Variants in AQR observed in about 807,000 individuals in gnomAD.
AQR encodes RNA helicase aquarius.
AQR carries 61 observed loss-of-function variants against 180.5 expected under a neutral mutation model. The observed-to-expected ratio is 0.34, with a 90% CI of 0.28 to 0.42. AQR has a LOEUF of 0.42. Among genes scored for constraint, AQR ranks in the 10% least tolerant of loss-of-function variants. The pLI, the probability that AQR is intolerant of heterozygous loss-of-function variation, is 1.00. For synonymous variants in AQR, 551 were observed against 588.8 expected (o/e 0.94, Z 0.93); for missense variants, 1,281 against 1,798.3 (o/e 0.71, Z 5.20).
chr15:34,917,395 C>CT, intron 15 of AQR, among the ~76,000 whole-genome samples: 1 of 152,276 alleles, frequency 6.6e-6, no homozygotes, highest in East Asian at 1.9e-4. Flanking sequence ...TCTGAATGCA[C>CT]TTTTGCATAT....
intron 13 of AQR, among the ~76,000 whole-genome samples, chr15:34,925,098 C>T (rs1893740674): frequency 6.6e-6 from 1 of 151,730 alleles, no homozygotes. Context: ...CAAAGTTAAA[C>T]TGAAAGAAAA....
chr15:34,935,912 AT>A (rs1215161263), intron 9 of AQR, among the ~76,000 whole-genome samples: 3 of 152,180 alleles, frequency 2.0e-5, no homozygotes, highest in Non-Finnish European at 4.4e-5. Flanking sequence ...AAAGGAAAAC[AT>A]TTTTTCCCAA....
At chr15:34,950,475 T>C (rs914885935) in intron 4 of AQR, among the ~76,000 whole-genome samples, 1 of 151,980 alleles carries the variant, frequency 6.6e-6, no homozygotes, top group Non-Finnish European at 1.5e-5. Flanking sequence ...ATTCCTTCTT[T>C]ACCTGCGTCT....
At chr15:34,956,770 T>C (rs1241851609) in intron 3 of AQR, among the ~76,000 whole-genome samples, 1 of 144,246 alleles carries the variant, frequency 6.9e-6, no homozygotes, top group Non-Finnish European at 1.5e-5. Flanking sequence ...CTGGGAAACA[T>C]CTTGGGCAAG....
intron 13 of AQR, among the ~76,000 whole-genome samples, chr15:34,924,423 TC>T (rs1335615682): frequency 7.9e-5 from 12 of 152,092 alleles, no homozygotes; most frequent in Non-Finnish European, 1.5e-4. Flanking sequence ...ATAATAGATT[TC>T]AATCAATATA....
intron 3 of AQR, among the ~76,000 whole-genome samples, chr15:34,959,002 TAGATATAGATA>T (rs1894374843): frequency 7.3e-6 from 1 of 136,454 alleles, no homozygotes; most frequent in African/African-American, 3.0e-5. Context: ...GATATAGATA[TAGATATAGATA>T]TAGATATAGA....
rs979508494 is a variant in AQR, at chr15:34,855,019, G to C, written c.*1773C>G. The C allele has an allele frequency of 6.6e-6, 1 of 152,132 alleles. No homozygotes were observed. The highest frequency in any genetic ancestry group is 1.5e-5 in the Non-Finnish European group (1 of 68,024). The allele number at this position is 152,132 out of a possible 1,614,324, so 9.4% of individuals were successfully genotyped here. On this transcript the variant is annotated 3_prime_UTR_variant, in exon 35 of 35. Transcript: ENST00000156471. Reference sequence around the variant, plus strand: ...GCACCTGCTTTCAAAATCTTTTATCGGAGAAATTACATAACAGGCTATCTG... The same window carrying C: ...GCACCTGCTTTCAAAATCTTTTATCCGAGAAATTACATAACAGGCTATCTG...
intron 23 of AQR, among the ~76,000 whole-genome samples, chr15:34,892,544 A>G (rs761524990): frequency 6.6e-6 from 1 of 152,240 alleles, no homozygotes; most frequent in African/African-American, 2.4e-5. Context: ...GCTTTTATAT[A>G]TCTCTCAATG....
At chr15:34,942,356 C>T (rs1313539029) in intron 6 of AQR, among the ~76,000 whole-genome samples, 1 of 152,198 alleles carries the variant, frequency 6.6e-6, no homozygotes, top group Non-Finnish European at 1.5e-5. Context: ...CCAGATGGCC[C>T]AAACAAAAAT....
chr15:34,968,731 G>C (rs1003142225), intron 1 of AQR, among the ~76,000 whole-genome samples: 2 of 152,198 alleles, frequency 1.3e-5, no homozygotes, highest in Admixed American at 6.5e-5. Context: ...TAGGGTGACA[G>C]AGATGTAGAA....
intron 15 of AQR, among the ~76,000 whole-genome samples, chr15:34,915,589 TAAC>T (rs1445137954): frequency 6.6e-6 from 1 of 152,182 alleles, no homozygotes; most frequent in African/African-American, 2.4e-5. Context: ...GCATATCTGA[TAAC>T]AACTTATTTT....
At chr15:34,946,888 G>A (rs1286902226) in intron 5 of AQR, among the ~76,000 whole-genome samples, 2 of 147,752 alleles carry the variant, frequency 1.4e-5, no homozygotes, top group Non-Finnish European at 3.0e-5. Flanking sequence ...AGGGAGGTGG[G>A]GGGGGTCAGC....
chr15:34,888,035 C>T (rs1324906935), intron 24 of AQR, among the ~76,000 whole-genome samples: 6 of 152,178 alleles, frequency 3.9e-5, no homozygotes, highest in Non-Finnish European at 5.9e-5. Flanking sequence ...CGGTGGCTCA[C>T]GCCTGTAATC....
At chr15:34,901,254 T>A (rs1893327554) in intron 19 of AQR, among the ~76,000 whole-genome samples, 1 of 152,196 alleles carries the variant, frequency 6.6e-6, no homozygotes, top group African/African-American at 2.4e-5. Flanking sequence ...CTGGAATTTT[T>A]CCCTCTTTAT....
chr15:34,912,960 T>C (rs1323576497), intron 16 of AQR, among the ~76,000 whole-genome samples: 4 of 152,202 alleles, frequency 2.6e-5, no homozygotes, highest in Admixed American at 6.5e-5. Context: ...ATTGGGACAA[T>C]GTCTAAAAGG....
chr15:34,945,704 G>A (rs1894100911), intron 5 of AQR, among the ~76,000 whole-genome samples: 1 of 152,180 alleles, frequency 6.6e-6, no homozygotes, highest in Admixed American at 6.5e-5. Flanking sequence ...GAATATTTGA[G>A]ATAAGTGTCC....
At chr15:34,962,567 G>C (rs1443254437) in intron 2 of AQR, among the ~76,000 whole-genome samples, 1 of 152,004 alleles carries the variant, frequency 6.6e-6, no homozygotes, top group Non-Finnish European at 1.5e-5. Flanking sequence ...TTAGGAGTTT[G>C]AGACCAGCCT....
intron 33 of AQR, 128 bp from the exon 34 acceptor site, chr15:34,860,283 G>A (rs1373480130): frequency 1.9e-5 from 8 of 415,082 alleles, no homozygotes; most frequent in Non-Finnish European, 3.4e-5. Context: ...AACAGTAAGA[G>A]GACATAAAAT....
At chr15:34,901,429 T>A (rs905082616) in intron 19 of AQR, among the ~76,000 whole-genome samples, 2 of 152,046 alleles carry the variant, frequency 1.3e-5, no homozygotes, top group East Asian at 3.9e-4. Flanking sequence ...CAAATAAAAT[T>A]TCAGAAGGAA....
Sources: allele counts gnomAD v4.1 joint callset (sites outside exome capture counted in the v4.1 genomes callset), GRCh38; gene constraint gnomAD v4.1.1; transcripts MANE v1.5; gene names NCBI Gene and HGNC (gene_info 2026-07-23, HGNC 2026-07-21).